The following TMEM108 variants were observed in gnomAD, a reference collection of about 807,000 sequenced individuals.
TMEM108 encodes the protein transmembrane protein 108, also known as cancer/testis antigen 124.
TMEM108 carries 12 observed loss-of-function variants against 35.1 expected under a neutral mutation model. That is an observed-to-expected ratio of 0.34 (90% CI 0.22 to 0.55). TMEM108 has a LOEUF of 0.55. Ranked by LOEUF, TMEM108 falls within the 20% of genes least tolerant of loss-of-function variation. TMEM108 has a pLI of 0.89. For missense variants in TMEM108, 680 were observed against 753.3 expected, an observed-to-expected ratio of 0.90 and a Z score of 1.14; for synonymous variants, 287 against 308.6, an observed-to-expected ratio of 0.93 and a Z score of 0.73.
intron 2 of TMEM108, among the ~76,000 whole-genome samples, chr3:133,194,366 A>G (rs1868601): frequency 0.13 from 20,407 of 152,196 alleles, 1,540 homozygotes; most frequent in South Asian, 0.22. Context: ...TGTTTATGCC[A>G]GTTTTTCTGT....
At chr3:133,254,420 A>G (rs1181366872) in intron 3 of TMEM108, among the ~76,000 whole-genome samples, 5 of 152,198 alleles carry the variant, frequency 3.3e-5, no homozygotes, top group Non-Finnish European at 7.4e-5. Flanking sequence ...CCATGTAAAT[A>G]AAAATAGTTC....
chr3:133,197,660 A>C (rs1945598515), intron 2 of TMEM108, among the ~76,000 whole-genome samples: 1 of 151,486 alleles, frequency 6.6e-6, no homozygotes, highest in Non-Finnish European at 1.5e-5. Flanking sequence ...AGAAAGTAGA[A>C]ATGTGGAGCC....
chr3:133,282,260 C>A (rs1030471634), intron 3 of TMEM108, among the ~76,000 whole-genome samples: 1 of 152,178 alleles, frequency 6.6e-6, no homozygotes, highest in East Asian at 1.9e-4. Context: ...GGCCTTTCTG[C>A]CAAACGTACT....
At chr3:133,164,772 T>C (rs528133096) in intron 2 of TMEM108, among the ~76,000 whole-genome samples, 2 of 152,254 alleles carry the variant, frequency 1.3e-5, no homozygotes, top group Middle Eastern at 3.4e-3. Flanking sequence ...CCTTAAATGA[T>C]AGAAGAGTCA....
chr3:133,120,882 A>T (rs1944344015), intron 2 of TMEM108: 1 of 152,220 alleles, frequency 6.6e-6, no homozygotes, highest in Admixed American at 6.5e-5. Flanking sequence ...TTTTACAGGT[A>T]AGAAAACTGA....
intron 1 of TMEM108, among the ~76,000 whole-genome samples, chr3:133,044,085 C>T (rs1419047624): frequency 1.6e-4 from 24 of 152,090 alleles, no homozygotes; most frequent in Admixed American, 1.6e-3. Flanking sequence ...ATCTTTTTGG[C>T]TATGTATCTT....
chr3:133,046,638 A>C (rs1212432594), intron 2 of TMEM108, among the ~76,000 whole-genome samples: 1 of 152,178 alleles, frequency 6.6e-6, no homozygotes, highest in Non-Finnish European at 1.5e-5. Flanking sequence ...GGGCACTGGC[A>C]ATGTTATAAC....
chr3:133,356,913 G>T (rs972784865), intron 3 of TMEM108, among the ~76,000 whole-genome samples: 1 of 152,168 alleles, frequency 6.6e-6, no homozygotes, highest in African/African-American at 2.4e-5. Flanking sequence ...CCTAGGCAAA[G>T]AATTTATGAC....
intron 3 of TMEM108, among the ~76,000 whole-genome samples, chr3:133,256,299 G>T (rs988603375): frequency 1.3e-5 from 2 of 152,188 alleles, no homozygotes; most frequent in African/African-American, 4.8e-5. Context: ...CATTTTCACA[G>T]ATGGACATTC....
chr3:133,202,377 G>C (rs966681702), intron 2 of TMEM108, among the ~76,000 whole-genome samples: 1 of 152,176 alleles, frequency 6.6e-6, no homozygotes, highest in Admixed American at 6.5e-5. Flanking sequence ...CCATGCCTAT[G>C]TCCTGAATGG....
intron 3 of TMEM108, among the ~76,000 whole-genome samples, chr3:133,324,940 C>T (rs565406634): frequency 6.6e-6 from 1 of 152,284 alleles, no homozygotes; most frequent in East Asian, 1.9e-4. Flanking sequence ...CGCACCACTA[C>T]ACTCCAGCTT....
At chr3:133,067,155 C>T (rs902882625) in intron 2 of TMEM108, among the ~76,000 whole-genome samples, 1 of 151,978 alleles carries the variant, frequency 6.6e-6, no homozygotes, top group African/African-American at 2.4e-5. Context: ...TTAGAATTAC[C>T]AATTTGTTGT....
At chr3:133,114,296 G>A (rs1231015589) in intron 2 of TMEM108, among the ~76,000 whole-genome samples, 2 of 152,100 alleles carry the variant, frequency 1.3e-5, no homozygotes, top group African/African-American at 2.4e-5. Flanking sequence ...CTAGATTTAG[G>A]TATCAACTAT....
chr3:133,040,190 TTTTG>T (rs199853605), intron 1 of TMEM108, among the ~76,000 whole-genome samples: 7,140 of 144,328 alleles, frequency 0.049, 488 homozygotes, highest in African/African-American at 0.17. Flanking sequence ...TCACAGTTTT[TTTTG>T]TTTGTTTGTT....
intron 3 of TMEM108, among the ~76,000 whole-genome samples, chr3:133,323,887 C>T (rs1214298911): frequency 4.6e-5 from 7 of 152,156 alleles, no homozygotes; most frequent in Admixed American, 4.6e-4. Flanking sequence ...TTATAGCCAA[C>T]TGATCTTCAA....
chr3:133,350,300 G>C (rs891736349), intron 3 of TMEM108, among the ~76,000 whole-genome samples: 2 of 152,080 alleles, frequency 1.3e-5, no homozygotes, highest in African/African-American at 4.8e-5. Context: ...GGAGAGAATG[G>C]GGAGAGGATG....
Position 133,229,291 on chromosome 3 carries a change from T to G in TMEM108, c.-21T>G, listed in dbSNP as rs1417912737. 1 of 1,610,080 alleles carries G rather than the reference T, an allele frequency of 6.2e-7. No homozygotes were observed. The highest frequency in any genetic ancestry group is 1.1e-5 in the South Asian group (1 of 90,290). On this transcript the variant is annotated 5_prime_UTR_variant, in exon 3 of 6. Coordinates refer to ENST00000321871, the MANE Select transcript of TMEM108 (RefSeq NM_023943.4). ...ACAGAATCATGAATAAACTGGAGGA[T>G]AAGCAGGACCAGATGATACCATGAA...
chr3:133,073,504 CTCTCTCTATATATATA>C (rs1184893504), intron 2 of TMEM108, among the ~76,000 whole-genome samples: 4 of 85,942 alleles, frequency 4.7e-5, no homozygotes, highest in African/African-American at 2.2e-4. Flanking sequence ...CTCTCTCTCT[CTCTCTCTATATATATA>C]TATATATATA....
chr3:133,326,556 G>A (rs1184992231), intron 3 of TMEM108, among the ~76,000 whole-genome samples: 2 of 152,112 alleles, frequency 1.3e-5, no homozygotes, highest in South Asian at 2.1e-4. Context: ...GATTCTTCCC[G>A]AGAATCTGGG....
Sources: gnomAD v4.1 joint callset for allele counts (sites outside exome capture counted in the v4.1 genomes callset) on GRCh38, gnomAD v4.1.1 for gene constraint, MANE v1.5 for transcripts, NCBI Gene and HGNC (gene_info 2026-07-23, HGNC 2026-07-21) for gene names.